The following CDH3 variants were observed in gnomAD, a reference collection of about 807,000 sequenced individuals.
The protein encoded by CDH3 is cadherin 3.
Under a neutral mutation model 82.0 loss-of-function variants are expected in CDH3, and 54 were observed. That is an observed-to-expected ratio of 0.66 (90% confidence interval 0.53 to 0.83). The LOEUF is 0.83. Ranked by LOEUF, CDH3 falls within the 40% of genes least tolerant of loss-of-function variation. The pLI, the probability that CDH3 is intolerant of heterozygous loss-of-function variation, is 0.00. For synonymous variants in CDH3, 446 were observed against 437.9 expected (o/e 1.02, Z -0.23); for missense variants, 1,054 against 1,084.6 (o/e 0.97, Z 0.40).
chr16:68,667,994 C>T (rs1047171093), intron 2 of CDH3, among the ~76,000 whole-genome samples: 13 of 152,196 alleles, frequency 8.5e-5, no homozygotes, highest in East Asian at 1.9e-4. Flanking sequence ...TTCCCTTCCC[C>T]GACAGTATTT....
intron 13 of CDH3, 61 bp downstream of exon 13, chr16:68,691,987 C>A: frequency 7.1e-7 from 1 of 1,398,894 alleles, no homozygotes; most frequent in Non-Finnish European, 1.0e-6. Flanking sequence ...TGGATTCTAC[C>A]TTGAGCTTTA....
downstream of CDH3, among the ~76,000 whole-genome samples, chr16:68,731,395 A>AAT (rs1555509188): frequency 3.8e-4 from 2 of 5,242 alleles, 1 homozygote; most frequent in Non-Finnish European, 6.2e-4. Context: ...AAAAAAAAAA[A>AAT]ATATATATAT....
intron 1 of CDH3, among the ~76,000 whole-genome samples, chr16:68,717,498 C>A (rs12934330): frequency 1.3e-5 from 2 of 152,070 alleles, no homozygotes; most frequent in African/African-American, 2.4e-5. Flanking sequence ...TCAGGCCGAG[C>A]GCGGTGGCTC....
intron 6 of CDH3, 87 bp from the exon 7 acceptor site, chr16:68,679,712 A>AAG: frequency 3.8e-6 from 3 of 788,514 alleles, no homozygotes; most frequent in East Asian, 3.0e-5. Context: ...AAAAAAAAAA[A>AAG]AAAAAAGAAA....
At chr16:68,720,090 G>A (rs891445793) in intron 1 of CDH3, among the ~76,000 whole-genome samples, 1 of 152,096 alleles carries the variant, frequency 6.6e-6, no homozygotes, top group Non-Finnish European at 1.5e-5. Context: ...CCAGGAGGTC[G>A]AGGCTGCAGT....
chr16:68,650,356 G>A (rs1455106142), intron 2 of CDH3, among the ~76,000 whole-genome samples: 1 of 152,150 alleles, frequency 6.6e-6, no homozygotes, highest in East Asian at 1.9e-4. Flanking sequence ...CCAGGCTGGA[G>A]TGCAATGGCG....
chr16:68,676,243 A>C, intron 2 of CDH3, 142 bp from the exon 3 acceptor site: 2 of 706,352 alleles, frequency 2.8e-6, no homozygotes, highest in South Asian at 1.5e-5. Flanking sequence ...ACTCCTGGTC[A>C]GAGAAAGTAA....
chr16:68,655,788 A>C (rs546922363), intron 2 of CDH3, among the ~76,000 whole-genome samples: 4 of 152,038 alleles, frequency 2.6e-5, no homozygotes, highest in African/African-American at 7.2e-5. Flanking sequence ...GCTTGAACCC[A>C]GGAGGCAGAG....
Position 68,679,809 on chromosome 16 carries a change from G to T in CDH3, c.702G>T (p.Val234=). Residue 234 remains valine, a synonymous_variant, in exon 7 of 16, where the codon GTG becomes GTT. Transcript: ENST00000264012. ...VLEGVLPGTS[V]MQVTATDEDD... ...ATCCCTTCTCTCCAGGTACTTCTGT[G>T]ATGCAGGTGACAGCCACGGATGAGG... The T allele has an allele frequency of 6.2e-7, 1 of 1,611,436 alleles. No homozygotes were observed. The highest frequency in any genetic ancestry group is 8.5e-7 in the Non-Finnish European group (1 of 1,178,106).
At chr16:68,651,822 G>T in intron 2 of CDH3, 1 of 454,964 alleles carries the variant, frequency 2.2e-6, no homozygotes, top group Admixed American at 2.4e-5. Flanking sequence ...AGGGCTGATG[G>T]AGAGGCTGGT....
chr16:68,695,471 A>T (rs1212560184), intron 14 of CDH3, 86 bp downstream of exon 14: 3 of 1,383,278 alleles, frequency 2.2e-6, no homozygotes, highest in Non-Finnish European at 3.0e-6. Context: ...TGACCAAGTT[A>T]GCTGTGTTGA....
chr16:68,679,919 C>A lies in CDH3; in HGVS notation c.812C>A (p.Thr271Asn). ...AAGGACCCACACGACCTCATGTTCA[C>A]CATTCACCGGAGCACAGGCACCATC... ...EPKDPHDLMF[T>N]IHRSTGTISV... Residue 271 changes from threonine (T) to asparagine (N), a missense_variant, in exon 7 of 16, where the codon ACC becomes AAC. Coordinates refer to ENST00000264012, the MANE Select transcript of CDH3 (RefSeq NM_001793.6). The A allele has an allele frequency of 1.9e-6, 3 of 1,614,112 alleles. No individual in the cohort carries two copies. Among genetic ancestry groups the A allele is most frequent in the Non-Finnish European group, 2.5e-6 (3 of 1,179,994 alleles).
chr16:68,721,817 T>C (rs963982815), intron 1 of CDH3, among the ~76,000 whole-genome samples: 2 of 152,082 alleles, frequency 1.3e-5, no homozygotes, highest in African/African-American at 4.8e-5. Context: ...TGGCCAGGCG[T>C]GGTGGCTCAC....
chr16:68,703,368 G>C (rs147100905), downstream of CDH3, among the ~76,000 whole-genome samples: 547 of 152,308 alleles, frequency 3.6e-3, 2 homozygotes, highest in African/African-American at 0.011. Context: ...GGACTGCTGG[G>C]GGGTGGCCAC....
At chr16:68,665,995 C>T (rs1376567057) in intron 2 of CDH3, among the ~76,000 whole-genome samples, 1 of 152,140 alleles carries the variant, frequency 6.6e-6, no homozygotes, top group African/African-American at 2.4e-5. Flanking sequence ...GCCTACCACC[C>T]ATACGGGACC....
chr16:68,686,549 G>A (rs1961418250), intron 11 of CDH3: 13 of 1,166,124 alleles, frequency 1.1e-5, no homozygotes, highest in Non-Finnish European at 1.2e-5. Context: ...AGGAAAGGGT[G>A]GAGGGATTCA....
downstream of CDH3, among the ~76,000 whole-genome samples, chr16:68,704,159 C>T (rs896894425): frequency 2.1e-5 from 3 of 144,684 alleles, no homozygotes; most frequent in Non-Finnish European, 4.6e-5. Context: ...TGGTGGCGGG[C>T]GCCTGTAGTC....
intron 11 of CDH3, among the ~76,000 whole-genome samples, chr16:68,686,884 C>T (rs763116740): frequency 6.6e-6 from 1 of 152,152 alleles, no homozygotes; most frequent in Non-Finnish European, 1.5e-5. Flanking sequence ...ACGAGAATCA[C>T]CTTAACCCAG....
intron 2 of CDH3, among the ~76,000 whole-genome samples, chr16:68,659,478 G>A (rs1960500475): frequency 6.6e-6 from 1 of 151,996 alleles, no homozygotes; most frequent in Admixed American, 6.6e-5. Flanking sequence ...AGGTGGCTGG[G>A]GCAGGAGAAT....
Sources: allele counts gnomAD v4.1 joint callset (sites outside exome capture counted in the v4.1 genomes callset), GRCh38; gene constraint gnomAD v4.1.1; transcripts MANE v1.5; gene names NCBI Gene and HGNC (gene_info 2026-07-23, HGNC 2026-07-21).